Variants in USP10 observed in about 807,000 individuals in gnomAD.
USP10 encodes ubiquitin carboxyl-terminal hydrolase 10.
In USP10, 22 loss-of-function variants were observed where a neutral mutation model predicts 84.5. The ratio of observed to expected loss-of-function variants is 0.26; its 90% CI spans 0.19 to 0.37. The LOEUF is 0.37. Among genes scored for constraint, USP10 ranks in the 10% least tolerant of loss-of-function variants. USP10 has a pLI of 1.00. For missense variants in USP10, 1,019 were observed against 998.9 expected, an observed-to-expected ratio of 1.02 and a Z score of -0.27; for synonymous variants, 454 against 387.6, an observed-to-expected ratio of 1.17 and a Z score of -2.01.
intron 8 of USP10, 133 bp from the exon 9 acceptor site, chr16:84,762,856 A>G: frequency 1.8e-6 from 1 of 541,338 alleles, no homozygotes; most frequent in Non-Finnish European, 3.3e-6. Flanking sequence ...CCATGTCATC[A>G]TGTCATTGTT....
At chr16:84,743,965 A>G (rs980806897) in intron 3 of USP10, among the ~76,000 whole-genome samples, 1 of 152,216 alleles carries the variant, frequency 6.6e-6, no homozygotes, top group Non-Finnish European at 1.5e-5. Flanking sequence ...TTCAGACTTA[A>G]TTGAAGGTTA....
At position 84,768,324 on chromosome 16, in the gene USP10, C is replaced by A. The variant is rs749279273; in HGVS notation, c.1964C>A (p.Ser655Tyr). 2 of 1,610,192 alleles carry A rather than the reference C, an allele frequency of 1.2e-6. No individual in the cohort carries two copies. The highest frequency in any genetic ancestry group is 2.2e-5 in the East Asian group (1 of 44,812). The change falls in exon 11 of 14, where the codon TCT becomes TAT. Residue 655 changes from serine to tyrosine, a missense_variant. Coordinates refer to ENST00000219473, the MANE Select transcript of USP10 (RefSeq NM_005153.3). ...CTGGAGAGCTTGGTGGCAAGAGAAT[C>A]TGTCCAAGGTTATACCACAAAAACC... is the stretch of plus-strand genomic sequence containing the variant. The part of the protein sequence containing the change: ...DALESLVARE[S>Y]VQGYTTKTKQ...
At chr16:84,757,976 CAG>C (rs1491109525) in intron 4 of USP10, among the ~76,000 whole-genome samples, 3 of 152,186 alleles carry the variant, frequency 2.0e-5, no homozygotes, top group South Asian at 4.1e-4. Context: ...CATAGTGGGA[CAG>C]GGGGAGACCT....
intron 1 of USP10, among the ~76,000 whole-genome samples, chr16:84,720,023 G>A (rs576790596): frequency 5.3e-5 from 8 of 152,254 alleles, no homozygotes; most frequent in East Asian, 1.9e-4. Flanking sequence ...CAACAAAGCC[G>A]CTCATTAAGG....
At chr16:84,732,456 T>C (rs973420381) in intron 1 of USP10, 3 of 409,984 alleles carry the variant, frequency 7.3e-6, no homozygotes, top group Non-Finnish European at 9.5e-6. Context: ...TTTTTTTTTT[T>C]TTCTTTTTGA....
intron 1 of USP10, among the ~76,000 whole-genome samples, chr16:84,723,758 C>T (rs1167696937): frequency 2.6e-5 from 4 of 152,186 alleles, no homozygotes; most frequent in Non-Finnish European, 4.4e-5. Context: ...CGGTGAATTT[C>T]ACCCATTTAA....
Position 84,764,201 on chromosome 16 carries a change from C to T in USP10, c.1770C>T (p.Ser590=), listed in dbSNP as rs756505225. 1.3e-5 allele frequency: 21 copies of T among 1,613,874 alleles called. No individual in the cohort carries two copies. The highest frequency in any genetic ancestry group is 6.7e-5 in the African/African-American group (5 of 74,916). Residue 590 remains serine, a synonymous_variant, in exon 10 of 14, where the codon TCC becomes TCT. Coordinates refer to ENST00000219473, the MANE Select transcript of USP10 (RefSeq NM_005153.3). ...WEQVGPRNKT[S]VTRQADFVQT... ...AAGTGGGCCCCCGGAACAAGACTTC[C>T]GTCACCCGCCAGGCGGATTTTGTTC... is the stretch of plus-strand genomic sequence containing the variant.
At position 84,700,130 on chromosome 16, in the gene USP10, CT is replaced by C; in HGVS notation, c.21+21del. 1 of 1,338,148 alleles carries C rather than the reference CT, an allele frequency of 7.5e-7. No individual in the cohort carries two copies. Among genetic ancestry groups the C allele is most frequent in the Non-Finnish European group, 9.8e-7 (1 of 1,022,810 alleles). 82.9% of individuals were successfully genotyped at this position (1,338,148 alleles called of 1,614,324 possible). A position where few individuals can be genotyped will look rare whatever the true frequency, so the allele number is the denominator to read the frequency against. The stretch of plus-strand genomic sequence containing the variant: ...CCCGCAGGTAGCCGCCGGTCTGCGC[CT>C]TCGGCCGGAAGGGGCCCGAGCCCCG... On this transcript the variant is annotated intron_variant, in intron 1 of 13. Coordinates refer to ENST00000219473, the MANE Select transcript of USP10 (RefSeq NM_005153.3).
chr16:84,724,788 G>T (rs1159213382), intron 1 of USP10, among the ~76,000 whole-genome samples: 1 of 152,138 alleles, frequency 6.6e-6, no homozygotes, highest in Non-Finnish European at 1.5e-5. Context: ...GTGGATTGTT[G>T]ATGCTCAGTG....
chr16:84,763,797 C>T (rs1245928296), intron 9 of USP10, among the ~76,000 whole-genome samples: 1 of 151,898 alleles, frequency 6.6e-6, no homozygotes, highest in Non-Finnish European at 1.5e-5. Flanking sequence ...GCACCTGTTG[C>T]GATTGGTTGC....
chr16:84,773,897 C>A (rs1047485319), intron 12 of USP10, among the ~76,000 whole-genome samples: 4 of 152,154 alleles, frequency 2.6e-5, no homozygotes, highest in Non-Finnish European at 5.9e-5. Flanking sequence ...ATTTTTATAT[C>A]TTTTCTTGCT....
intron 1 of USP10, among the ~76,000 whole-genome samples, chr16:84,708,627 A>T (rs898742288): frequency 1.3e-5 from 2 of 152,194 alleles, no homozygotes; most frequent in African/African-American, 4.8e-5. Flanking sequence ...CTTCAAAATC[A>T]TGTTTTTGTC....
intron 10 of USP10, among the ~76,000 whole-genome samples, chr16:84,766,283 T>C (rs1464074953): frequency 6.6e-6 from 1 of 152,272 alleles, no homozygotes. Context: ...TTCTGTGTTC[T>C]GCACTGTGAG....
intron 1 of USP10, among the ~76,000 whole-genome samples, chr16:84,712,363 C>G (rs963354977): frequency 1.3e-5 from 2 of 152,152 alleles, no homozygotes; most frequent in African/African-American, 4.8e-5. Flanking sequence ...CAGCCGCTGG[C>G]CTGGCTGCTC....
intron 9 of USP10, among the ~76,000 whole-genome samples, 185 bp from the exon 10 acceptor site, chr16:84,763,901 A>G (rs1436963950): frequency 4.7e-5 from 7 of 150,402 alleles, no homozygotes; most frequent in South Asian, 2.1e-4. Context: ...ATCCAGTGAC[A>G]TTGTGCCTGT....
intron 2 of USP10, among the ~76,000 whole-genome samples, chr16:84,738,688 A>G (rs368054549): frequency 2.0e-5 from 3 of 151,952 alleles, no homozygotes; most frequent in African/African-American, 4.8e-5. Context: ...GCAGCTGTCA[A>G]CTCCTGAAGG....
chr16:84,709,517 A>G (rs1200272707), intron 1 of USP10, among the ~76,000 whole-genome samples: 1 of 152,116 alleles, frequency 6.6e-6, no homozygotes, highest in Non-Finnish European at 1.5e-5. Context: ...CCTCATAATC[A>G]CATTGCCTTT....
At chr16:84,776,810 C>A (rs145384749) in intron 13 of USP10, among the ~76,000 whole-genome samples, 68 of 152,258 alleles carry the variant, frequency 4.5e-4, no homozygotes, top group East Asian at 9.7e-4. Flanking sequence ...GAATCCTCAT[C>A]CCCTAACCCA....
At chr16:84,759,603 G>A (rs1912965061) in intron 6 of USP10, 131 bp downstream of exon 6, 2 of 858,448 alleles carry the variant, frequency 2.3e-6, no homozygotes, top group Admixed American at 5.0e-5. Flanking sequence ...TTTAAAAATA[G>A]ACTGTTGGCG....
Sources: allele counts gnomAD v4.1 joint callset (sites outside exome capture counted in the v4.1 genomes callset), GRCh38; gene constraint gnomAD v4.1.1; transcripts MANE v1.5; gene names NCBI Gene and HGNC (gene_info 2026-07-23, HGNC 2026-07-21).